Variants in MGAM observed in about 807,000 individuals in gnomAD.
The protein encoded by MGAM is maltase-glucoamylase.
In MGAM, 253 loss-of-function variants were observed where a neutral mutation model predicts 358.8. That is an observed-to-expected ratio of 0.71 (90% CI 0.64 to 0.78). The LOEUF is 0.78. Among genes scored for constraint, MGAM ranks in the 30% least tolerant of loss-of-function variants. The pLI is 0.00. For missense variants in MGAM, 3,080 were observed against 3,432.6 expected (o/e 0.90, Z 2.57); for synonymous variants, 1,105 against 1,227.1 (o/e 0.90, Z 2.08).
chr7:142,101,281 A>G (rs952644454), intron 68 of MGAM, among the ~76,000 whole-genome samples: 14 of 152,190 alleles, frequency 9.2e-5, no homozygotes, highest in East Asian at 1.9e-4. Flanking sequence ...GATATTTTCT[A>G]TTAGGAGTTT....
intron 53 of MGAM, among the ~76,000 whole-genome samples, chr7:142,084,005 T>A (rs1814555080): frequency 6.9e-6 from 1 of 145,750 alleles, no homozygotes; most frequent in Non-Finnish European, 1.6e-5. Context: ...CCATGGTTGT[T>A]GTGGCAGCAG....
At chr7:142,010,157 C>T (rs1283921837) in intron 3 of MGAM, among the ~76,000 whole-genome samples, 1 of 152,010 alleles carries the variant, frequency 6.6e-6, no homozygotes, top group Non-Finnish European at 1.5e-5. Context: ...ATCAAGCCAC[C>T]CTGACACCCT....
intron 66 of MGAM, among the ~76,000 whole-genome samples, chr7:142,098,256 T>C (rs541305360): frequency 7.2e-5 from 11 of 152,208 alleles, no homozygotes; most frequent in African/African-American, 2.4e-4. Context: ...TTCTGTGCTA[T>C]TATGTTCCCC....
At chr7:142,050,193 G>A (rs377576784) in intron 22 of MGAM, 42 bp from the exon 23 acceptor site, 51 of 1,600,294 alleles carry the variant, frequency 3.2e-5, no homozygotes, top group Non-Finnish European at 2.7e-5. Context: ...TTCTTCTGAG[G>A]TGGGCAGGCC....
intron 40 of MGAM, among the ~76,000 whole-genome samples, chr7:142,066,199 C>T (rs74426009): frequency 0.01 from 1,462 of 145,698 alleles, 80 homozygotes; most frequent in African/African-American, 0.034. Context: ...TGGGCTCAAG[C>T]GATCCACTCG....
At position 142,045,346 on chromosome 7, in the gene MGAM, C is replaced by T. The variant is rs181736451; in HGVS notation, c.2499-2439C>T. Among the ~76,000 whole-genome samples the T allele has an allele frequency of 3.4e-5, 3 of 88,472 alleles. No individual in the cohort carries two copies. The Admixed American group carries it at 4.7e-4, about 14-fold the overall frequency. The allele number at this position is 88,472 out of a possible 152,430, so 58.0% of individuals were successfully genotyped here. On this transcript the variant is annotated intron_variant, in intron 21 of 70. Transcript: ENST00000475668. The stretch of plus-strand genomic sequence containing the variant: ...ATGATATATAATATATATTATATGT[C>T]CCTATAATACATGATATATAATATA...
chr7:142,012,484 G>A (rs1268122469), intron 3 of MGAM, among the ~76,000 whole-genome samples: 2 of 152,064 alleles, frequency 1.3e-5, no homozygotes, highest in Non-Finnish European at 1.5e-5. Context: ...CTGGCAACAC[G>A]TGAATTTTGG....
chr7:142,065,571 T>G lies in MGAM; in HGVS notation c.4619-17T>G, dbSNP rs1473628490. ...TCATGAGAGCCTGGTGTGACACAGC[T>G]GTGCTTCTCGTTGCAGGCATGATGG... On this transcript the variant is annotated splice_polypyrimidine_tract_variant and intron_variant, in intron 38 of 70. Transcript: ENST00000475668. 6.2e-7 allele frequency: 1 copy of G among 1,613,996 alleles called. No individual in the cohort carries two copies. The highest frequency in any genetic ancestry group is 8.5e-7 in the Non-Finnish European group (1 of 1,179,880).
intron 48 of MGAM, 145 bp downstream of exon 48, chr7:142,078,615 T>C: frequency 9.1e-7 from 1 of 1,093,170 alleles, no homozygotes; most frequent in Non-Finnish European, 1.3e-6. Context: ...GACAAGTAGG[T>C]GGGGACATGT....
At chr7:142,067,574 A>G (rs4072659) in intron 42 of MGAM, 149 bp downstream of exon 42, 163,350 of 546,718 alleles carry the variant, frequency 0.3, 36,033 homozygotes, top group Middle Eastern at 0.35. Flanking sequence ...GCTGAAGTCC[A>G]TCACTTAGGT....
At chr7:142,015,416 C>G (rs782321068) in intron 3 of MGAM, among the ~76,000 whole-genome samples, 13 of 151,908 alleles carry the variant, frequency 8.6e-5, no homozygotes, top group Non-Finnish European at 1.5e-4. Context: ...GTTTTGATAA[C>G]TATGTATTCC....
intron 1 of MGAM, among the ~76,000 whole-genome samples, chr7:142,001,468 C>T (rs1804728997): frequency 6.6e-6 from 1 of 152,124 alleles, no homozygotes; most frequent in African/African-American, 2.4e-5. Flanking sequence ...ATTAGGGAGT[C>T]ATGAATTAAG....
intron 66 of MGAM, among the ~76,000 whole-genome samples, chr7:142,097,861 AG>A (rs10710111): frequency 0.051 from 7,801 of 152,222 alleles, 674 homozygotes; most frequent in African/African-American, 0.18. Context: ...TGACACATAA[AG>A]CATCTCACTC....
chr7:142,065,944 T>TG, intron 40 of MGAM, 113 bp downstream of exon 40: 1 of 772,862 alleles, frequency 1.3e-6, no homozygotes, highest in South Asian at 2.1e-5. Context: ...AAAAAAGGTG[T>TG]TTTTTTTTGT....
intron 57 of MGAM, among the ~76,000 whole-genome samples, chr7:142,089,263 G>A (rs1311279128): frequency 6.8e-6 from 1 of 146,314 alleles, no homozygotes; most frequent in African/African-American, 2.4e-5. Flanking sequence ...GGAAATCTGA[G>A]GGCAGTGTTG....
chr7:142,046,822 C>A (rs1366107096), intron 21 of MGAM, among the ~76,000 whole-genome samples: 1 of 152,022 alleles, frequency 6.6e-6, no homozygotes, highest in Non-Finnish European at 1.5e-5. Context: ...CCTAGAATAT[C>A]CTAACTTTTG....
intron 12 of MGAM, 43 bp from the exon 13 acceptor site, chr7:142,031,637 T>A: frequency 1.5e-6 from 2 of 1,343,920 alleles, no homozygotes; most frequent in Non-Finnish European, 2.1e-6. Flanking sequence ...AGTCTATATT[T>A]GTTTAATTTA....
chr7:142,058,917 A>G (rs1192876128), intron 31 of MGAM, among the ~76,000 whole-genome samples: 1 of 152,138 alleles, frequency 6.6e-6, no homozygotes. Flanking sequence ...CCACTTTTCT[A>G]TTGTTTACAG....
intron 34 of MGAM, 101 bp downstream of exon 34, chr7:142,060,474 C>G: frequency 7.2e-7 from 1 of 1,393,906 alleles, no homozygotes; most frequent in South Asian, 1.2e-5. Context: ...ATGGGCTTGG[C>G]AAGGGAGAAA....
Sources: gnomAD v4.1 joint callset for allele counts (sites outside exome capture counted in the v4.1 genomes callset) on GRCh38, gnomAD v4.1.1 for gene constraint, MANE v1.5 for transcripts, NCBI Gene and HGNC (gene_info 2026-07-23, HGNC 2026-07-21) for gene names.